SIPA1L1: variants seen among roughly 807,000 people sequenced by gnomAD.
SIPA1L1 encodes the protein signal induced proliferation associated 1 like 1.
A neutral mutation model predicts 162.7 loss-of-function variants in SIPA1L1; 26 were observed. The ratio of observed to expected loss-of-function variants is 0.16; its 90% CI spans 0.12 to 0.22. The LOEUF is 0.22. SIPA1L1 is among the 10% of genes least tolerant of loss of function. The pLI is 1.00. For synonymous variants in SIPA1L1, 829 were observed against 837.4 expected (o/e 0.99, Z 0.17); for missense variants, 1,874 against 2,241.0 (o/e 0.84, Z 3.31).
intron 2 of SIPA1L1, among the ~76,000 whole-genome samples, chr14:71,379,778 C>T (rs946988702): frequency 9.2e-5 from 14 of 152,240 alleles, no homozygotes; most frequent in African/African-American, 3.4e-4. Context: ...ATTTCATTTA[C>T]ATTAGAAAGT....
chr14:71,738,151 C>T (rs2085467203), intron 22 of SIPA1L1, 90 bp from the exon 23 acceptor site: 1 of 672,208 alleles, frequency 1.5e-6, no homozygotes, highest in Non-Finnish European at 2.4e-6. Flanking sequence ...TAAATACAGC[C>T]TCCTCAGAGT....
At chr14:71,705,428 A>G (rs1273956332) in intron 16 of SIPA1L1, 88 bp downstream of exon 16, 19 of 963,880 alleles carry the variant, frequency 2.0e-5, no homozygotes, top group Non-Finnish European at 2.7e-5. Flanking sequence ...TTTCCTCTGC[A>G]TGGCCAAAGA....
chr14:71,709,174 T>A (rs762600727), intron 16 of SIPA1L1, 48 bp from the exon 17 acceptor site: 2 of 1,480,402 alleles, frequency 1.4e-6, no homozygotes, highest in South Asian at 2.5e-5. Context: ...TATTCTCTTG[T>A]TCAGGAAGCA....
Position 71,321,197 on chromosome 14 carries a change from G to C in SIPA1L1, c.-465+16G>C, listed in dbSNP as rs540110500. ...GGGCCGAGCGGTAAGTGGTCCCCGC[G>C]CCCGGGTCCTGGGGGGAGCGGGGGT... On this transcript the variant is annotated intron_variant, in intron 2 of 23. Transcript: ENST00000381232. 1 of 152,188 alleles carries C rather than the reference G, an allele frequency of 6.6e-6. No homozygotes were observed. Among genetic ancestry groups the C allele is most frequent in the African/African-American group, 2.4e-5 (1 of 41,436 alleles). 9.4% of individuals were successfully genotyped at this position (152,188 alleles called of 1,614,324 possible). A position where few individuals can be genotyped will look rare whatever the true frequency, so the allele number is the denominator to read the frequency against.
chr14:71,651,196 G>A (rs2042589133), intron 8 of SIPA1L1, among the ~76,000 whole-genome samples: 1 of 152,200 alleles, frequency 6.6e-6, no homozygotes, highest in Non-Finnish European at 1.5e-5. Flanking sequence ...ACTAATCAAA[G>A]AGTGTGTTGA....
intron 17 of SIPA1L1, among the ~76,000 whole-genome samples, chr14:71,721,228 T>C (rs2083697477): frequency 6.6e-6 from 1 of 152,186 alleles, no homozygotes; most frequent in African/African-American, 2.4e-5. Context: ...TTGATGGGCT[T>C]GGACAGGATA....
At chr14:71,371,773 G>A (rs913190288) in intron 2 of SIPA1L1, among the ~76,000 whole-genome samples, 1 of 152,160 alleles carries the variant, frequency 6.6e-6, no homozygotes, top group Non-Finnish European at 1.5e-5. Flanking sequence ...ATGGAGCTAT[G>A]GATGGTTGTT....
At chr14:71,552,802 GCCTT>G (rs1181589713) in intron 4 of SIPA1L1, among the ~76,000 whole-genome samples, 4 of 152,108 alleles carry the variant, frequency 2.6e-5, no homozygotes, top group African/African-American at 9.7e-5. Flanking sequence ...GTGCCTTGGA[GCCTT>G]CCTTCCTTAC....
At chr14:71,514,615 G>A (rs1376860749) in intron 3 of SIPA1L1, among the ~76,000 whole-genome samples, 3 of 152,096 alleles carry the variant, frequency 2.0e-5, no homozygotes, top group Admixed American at 6.5e-5. Context: ...AACTTTCCTG[G>A]GAGTGTGGGG....
chr14:71,344,476 T>C lies in SIPA1L1; in HGVS notation c.-465+23295T>C, dbSNP rs549703186. Among the ~76,000 whole-genome samples the C allele has an allele frequency of 3.3e-5, 5 of 152,350 alleles. No homozygotes were observed. The East Asian group carries it at 9.6e-4, about 29-fold the overall frequency. Reference sequence around the variant, plus strand: ...GGCCCAGTGCCTGACATATAGTAGATGTCCAATAGATGTTGGACCCAGGGC... The same window carrying C: ...GGCCCAGTGCCTGACATATAGTAGACGTCCAATAGATGTTGGACCCAGGGC... On this transcript the variant is annotated intron_variant, in intron 2 of 23. Transcript: ENST00000381232.
intron 2 of SIPA1L1, among the ~76,000 whole-genome samples, chr14:71,491,761 A>AACAC (rs59275638): frequency 0.12 from 12,012 of 97,702 alleles, 732 homozygotes; most frequent in East Asian, 0.14. Flanking sequence ...TTTTATTTCA[A>AACAC]ACACACACAC....
intron 3 of SIPA1L1, among the ~76,000 whole-genome samples, chr14:71,520,610 TA>T (rs2052234630): frequency 6.6e-6 from 1 of 152,180 alleles, no homozygotes; most frequent in Admixed American, 6.6e-5. Flanking sequence ...TAAACGGAAT[TA>T]GGTAGTGTAT....
intron 13 of SIPA1L1, among the ~76,000 whole-genome samples, chr14:71,688,583 C>G (rs933407786): frequency 6.6e-6 from 1 of 152,084 alleles, no homozygotes; most frequent in Non-Finnish European, 1.5e-5. Context: ...TAAAGCATCC[C>G]CTTTGTAGTC....
At chr14:71,710,822 A>AAAG in intron 17 of SIPA1L1, among the ~76,000 whole-genome samples, 1 of 151,270 alleles carries the variant, frequency 6.6e-6, no homozygotes, top group African/African-American at 2.4e-5. Flanking sequence ...AAAAAAAAAA[A>AAAG]AAAGAAAGAA....
At chr14:71,666,901 G>T (rs2044065189) in intron 10 of SIPA1L1, among the ~76,000 whole-genome samples, 1 of 148,534 alleles carries the variant, frequency 6.7e-6, no homozygotes, top group African/African-American at 2.5e-5. Context: ...GAATTTGCAA[G>T]CTTCAGCTGA....
intron 7 of SIPA1L1, among the ~76,000 whole-genome samples, chr14:71,646,053 A>G (rs529098301): frequency 6.6e-6 from 1 of 152,338 alleles, no homozygotes; most frequent in East Asian, 1.9e-4. Flanking sequence ...AAACTTCTGA[A>G]GAAGACTGAG....
chr14:71,530,488 A>T (rs2053330415), intron 4 of SIPA1L1, among the ~76,000 whole-genome samples: 1 of 152,146 alleles, frequency 6.6e-6, no homozygotes, highest in Non-Finnish European at 1.5e-5. Context: ...GTTTTCTTAG[A>T]ACAGTCTATA....
At chr14:71,649,265 C>CA (rs2042428206) in intron 7 of SIPA1L1, among the ~76,000 whole-genome samples, 3 of 147,244 alleles carry the variant, frequency 2.0e-5, no homozygotes, top group Non-Finnish European at 4.4e-5. Flanking sequence ...AGTCATGACT[C>CA]ACTGCAACAT....
intron 5 of SIPA1L1, 105 bp downstream of exon 5, chr14:71,589,475 GTCTTA>G (rs2034990879): frequency 3.0e-6 from 2 of 662,262 alleles, no homozygotes; most frequent in Non-Finnish European, 4.9e-6. Flanking sequence ...AGATTTGCAT[GTCTTA>G]TCTTTCTTGA....
Sources: allele counts gnomAD v4.1 joint callset (sites outside exome capture counted in the v4.1 genomes callset), GRCh38; gene constraint gnomAD v4.1.1; transcripts MANE v1.5; gene names NCBI Gene and HGNC (gene_info 2026-07-23, HGNC 2026-07-21).